The following FOXP1 variants were observed in gnomAD, a reference collection of about 807,000 sequenced individuals.
FOXP1 encodes forkhead box P1.
In FOXP1, 15 loss-of-function variants were observed where a neutral mutation model predicts 98.2. The ratio of observed to expected loss-of-function variants is 0.15; its 90% CI spans 0.10 to 0.24. FOXP1 has a LOEUF of 0.24. Ranked by LOEUF, FOXP1 falls within the 10% of genes least tolerant of loss-of-function variation. FOXP1 has a pLI of 1.00. For synonymous variants in FOXP1, 371 were observed against 314.5 expected (o/e 1.18, Z -1.90); for missense variants, 633 against 848.5 (o/e 0.75, Z 3.15).
chr3:71,013,424 T>A (rs569182841), intron 12 of FOXP1, among the ~76,000 whole-genome samples: 1 of 152,294 alleles, frequency 6.6e-6, no homozygotes, highest in African/African-American at 2.4e-5. Context: ...ATAAAATACC[T>A]AGGAACCCAA....
At chr3:71,002,934 A>G (rs1675930587) in intron 12 of FOXP1, among the ~76,000 whole-genome samples, 1 of 152,182 alleles carries the variant, frequency 6.6e-6, no homozygotes, top group South Asian at 2.1e-4. Context: ...GCTGTCACCA[A>G]TGAAACAAGA....
In FOXP1 at chr3:71,046,885, C is replaced by T. The variant is rs2049100197; in HGVS notation, c.664+57G>A. On this transcript the variant is annotated intron_variant, in intron 10 of 20. Coordinates refer to ENST00000649528, the MANE Select transcript of FOXP1 (RefSeq NM_001349338.3). Reference sequence around the variant, plus strand: ...TTAACAAATATACCAAGAGACAACCCACCACCTCCACCCAAAGTCTTCACA... The same window carrying T: ...TTAACAAATATACCAAGAGACAACCTACCACCTCCACCCAAAGTCTTCACA... 27 of 1,593,160 alleles carry T rather than the reference C, an allele frequency of 1.7e-5. No individual in the cohort carries two copies. In the South Asian group the frequency reaches 3.0e-4, roughly 18 times the overall value.
chr3:71,122,297 G>T (rs2058836081), intron 6 of FOXP1, among the ~76,000 whole-genome samples: 1 of 152,150 alleles, frequency 6.6e-6, no homozygotes, highest in Non-Finnish European at 1.5e-5. Context: ...GAGTAAAAAT[G>T]ATTTAGAGGC....
intron 4 of FOXP1, among the ~76,000 whole-genome samples, chr3:71,336,010 CAAAAAAAAAAAAAAAAAAAAA>C (rs60051890): frequency 8.8e-5 from 3 of 34,092 alleles, no homozygotes; most frequent in South Asian, 2.0e-3. Context: ...AACTCCATCT[CAAAAAAAAAAAAAAAAAAAAA>C]AAAAAAAAAA....
intron 9 of FOXP1, among the ~76,000 whole-genome samples, chr3:71,048,668 A>G (rs1449667261): frequency 1.3e-5 from 2 of 152,208 alleles, no homozygotes; most frequent in Non-Finnish European, 2.9e-5. Context: ...AGTGATAGTT[A>G]TATTCATGTC....
At chr3:71,530,605 G>A (rs1316152232) in intron 2 of FOXP1, among the ~76,000 whole-genome samples, 2 of 152,176 alleles carry the variant, frequency 1.3e-5, no homozygotes, top group Admixed American at 6.5e-5. Flanking sequence ...ATCTGAAGGG[G>A]AACTGACATA....
chr3:71,544,492 G>C (rs1420858498), intron 2 of FOXP1, among the ~76,000 whole-genome samples: 2 of 151,696 alleles, frequency 1.3e-5, no homozygotes, highest in Non-Finnish European at 2.9e-5. Context: ...CAAATTCAAA[G>C]AAAAAAGGAA....
chr3:71,090,079 C>A (rs1042961514), intron 7 of FOXP1, among the ~76,000 whole-genome samples: 11 of 151,662 alleles, frequency 7.3e-5, no homozygotes, highest in Admixed American at 6.6e-4. Flanking sequence ...AAGTTCGAAC[C>A]AAAAAAAGGT....
At chr3:71,267,157 A>G (rs1467518246) in intron 5 of FOXP1, among the ~76,000 whole-genome samples, 2 of 93,256 alleles carry the variant, frequency 2.1e-5, no homozygotes, top group Non-Finnish European at 5.2e-5. Flanking sequence ...GTGTGTGTGT[A>G]AACATTAACT....
At chr3:71,064,679 G>T in intron 7 of FOXP1, 2 of 499,748 alleles carry the variant, frequency 4.0e-6, no homozygotes, top group Non-Finnish European at 5.2e-6. Context: ...TTGGTAAACA[G>T]CGAGGATGAG....
intron 5 of FOXP1, among the ~76,000 whole-genome samples, chr3:71,199,749 G>GA (rs763308219): frequency 5.4e-5 from 8 of 147,718 alleles, no homozygotes; most frequent in South Asian, 2.2e-4. Context: ...CAAAACAAAA[G>GA]AAAAAAAAAT....
intron 3 of FOXP1, among the ~76,000 whole-genome samples, chr3:71,364,623 G>T (rs1212117893): frequency 1.3e-5 from 2 of 152,054 alleles, no homozygotes; most frequent in Non-Finnish European, 2.9e-5. Flanking sequence ...TATTATAAAA[G>T]AAAAAATCCT....
chr3:71,402,177 G>A (rs959538108), intron 3 of FOXP1, among the ~76,000 whole-genome samples: 36 of 152,144 alleles, frequency 2.4e-4, no homozygotes, highest in Admixed American at 2.1e-3. Context: ...ATCACAGGCC[G>A]GGCGCGGTGG....
intron 5 of FOXP1, among the ~76,000 whole-genome samples, chr3:71,263,567 G>C (rs771535746): frequency 6.6e-6 from 1 of 151,912 alleles, no homozygotes; most frequent in African/African-American, 2.4e-5. Flanking sequence ...TGACCCTTGA[G>C]GAAGGTGCCT....
rs398052612 is a variant in FOXP1, at chr3:71,465,324, A to AAAGAAG, written c.-168+28096_-168+28101dup. On this transcript the variant is annotated intron_variant, in intron 3 of 20. Coordinates refer to ENST00000649528, the MANE Select transcript of FOXP1 (RefSeq NM_001349338.3). ...CTCTGTCTCAGAAAAAAAAAAAAAA[A>AAAGAAG]AAGAAGAAGAAGAAGAAGAAGAAGA... Among the ~76,000 whole-genome samples, 106 of 67,724 alleles carry AAAGAAG rather than the reference A, an allele frequency of 1.6e-3. 1 individual carries two copies. The highest frequency in any genetic ancestry group is 4.4e-3 in the African/African-American group (79 of 18,144). The allele number at this position is 67,724 out of a possible 152,430, so 44.4% of individuals were successfully genotyped here.
chr3:71,121,500 A>C (rs1218589120), intron 6 of FOXP1, among the ~76,000 whole-genome samples: 2 of 93,298 alleles, frequency 2.1e-5, no homozygotes, highest in African/African-American at 3.1e-5. Flanking sequence ...CCACCATCAT[A>C]CTCCTACTCC....
intron 3 of FOXP1, among the ~76,000 whole-genome samples, chr3:71,424,648 C>T (rs1444767576): frequency 6.6e-6 from 1 of 152,180 alleles, no homozygotes; most frequent in Non-Finnish European, 1.5e-5. Flanking sequence ...CCACAAAAAT[C>T]CGCACTCCAA....
intron 3 of FOXP1, among the ~76,000 whole-genome samples, chr3:71,451,831 T>C (rs1269122450): frequency 6.6e-6 from 1 of 152,198 alleles, no homozygotes; most frequent in Non-Finnish European, 1.5e-5. Context: ...TTTGTGTAGG[T>C]GTTAAATTAC....
chr3:71,225,669 A>G (rs2568839), intron 5 of FOXP1, among the ~76,000 whole-genome samples: 146,495 of 152,328 alleles, frequency 0.96, 70,479 homozygotes, highest in East Asian at 1. Flanking sequence ...TCCTTGCCAG[A>G]AATAGCTAGC....
Sources: gnomAD v4.1 joint callset for allele counts (sites outside exome capture counted in the v4.1 genomes callset) on GRCh38, gnomAD v4.1.1 for gene constraint, MANE v1.5 for transcripts, NCBI Gene and HGNC (gene_info 2026-07-23, HGNC 2026-07-21) for gene names.